FYB2: variants seen among roughly 807,000 people sequenced by gnomAD.
FYB2 encodes FYN binding protein 2.
In FYB2, 103 loss-of-function variants were observed where a neutral mutation model predicts 94.1. The ratio of observed to expected loss-of-function variants is 1.09; its 90% CI spans 0.93 to 1.29. The LOEUF (loss-of-function observed/expected upper bound fraction) is 1.29. Among genes scored for constraint, FYB2 ranks in the 50% most tolerant of loss-of-function variants. The probability of loss-of-function intolerance (pLI) is 0.00; values close to 1 mark genes in which losing one functional copy is unlikely to be tolerated. For missense variants in FYB2, 896 were observed against 841.5 expected (o/e 1.06, Z -0.80); for synonymous variants, 293 against 287.9 (o/e 1.02, Z -0.18).
intron 4 of FYB2, among the ~76,000 whole-genome samples, chr1:56,780,769 A>G (rs1645990095): frequency 6.6e-6 from 1 of 152,238 alleles, no homozygotes. Flanking sequence ...AGAAAAACTC[A>G]GTAAATTCAC....
intron 6 of FYB2, among the ~76,000 whole-genome samples, chr1:56,756,516 T>C (rs1645335458): frequency 6.6e-6 from 1 of 152,126 alleles, no homozygotes; most frequent in African/African-American, 2.4e-5. Flanking sequence ...TCTAAGCATC[T>C]AAAATGCCAT....
At chr1:56,744,127 G>A in intron 10 of FYB2, 25 bp downstream of exon 10, 1 of 1,610,792 alleles carries the variant, frequency 6.2e-7, no homozygotes, top group Non-Finnish European at 8.5e-7. Flanking sequence ...CATTCATCTT[G>A]CTGAAAGACT....
At chr1:56,784,548 G>C (rs1007703136) in intron 4 of FYB2, among the ~76,000 whole-genome samples, 2 of 152,026 alleles carry the variant, frequency 1.3e-5, no homozygotes, top group African/African-American at 4.8e-5. Flanking sequence ...CTTATCATTG[G>C]CAAGATAAAG....
intron 1 of FYB2, among the ~76,000 whole-genome samples, chr1:56,799,915 C>A (rs11206919): frequency 0.052 from 7,972 of 152,170 alleles, 402 homozygotes; most frequent in East Asian, 0.22. Context: ...TGAGTGAATG[C>A]GGTCATAAAA....
At chr1:56,774,926 C>A (rs1436699433) in intron 4 of FYB2, among the ~76,000 whole-genome samples, 3 of 152,092 alleles carry the variant, frequency 2.0e-5, no homozygotes, top group Non-Finnish European at 2.9e-5. Flanking sequence ...AGTTCTTCAG[C>A]TTTTGGACTC....
In FYB2 at chr1:56,725,115, G is replaced by A. The variant is rs186999887; in HGVS notation, c.1880+1382C>T. On this transcript the variant is annotated intron_variant, in intron 16 of 19. Transcript: ENST00000343433. ...GCCTGAGGCCTTCACCGAAGCAGAT[G>A]CCAATGTCATGCTTCTTGTACAGTC... Among the ~76,000 whole-genome samples, 346 of 152,096 alleles carry A rather than the reference G, an allele frequency of 2.3e-3. 2 individuals carry two copies. The highest frequency in any genetic ancestry group is 0.014 in the Middle Eastern group (4 of 294).
chr1:56,789,485 A>G (rs1646212416), intron 2 of FYB2, among the ~76,000 whole-genome samples: 1 of 152,188 alleles, frequency 6.6e-6, no homozygotes, highest in South Asian at 2.1e-4. Context: ...TGATTTAGAT[A>G]GCCTTAAAAA....
chr1:56,748,560 T>A (rs1645122327), intron 9 of FYB2, among the ~76,000 whole-genome samples: 2 of 152,142 alleles, frequency 1.3e-5, no homozygotes, highest in East Asian at 3.9e-4. Flanking sequence ...TGGTTGTACA[T>A]GTGTGATGTT....
chr1:56,766,821 C>T (rs959420396), intron 5 of FYB2, among the ~76,000 whole-genome samples: 1 of 152,160 alleles, frequency 6.6e-6, no homozygotes, highest in African/African-American at 2.4e-5. Context: ...TATGTATTCC[C>T]AGGAAAATGA....
intron 9 of FYB2, 145 bp downstream of exon 9, chr1:56,750,899 A>G (rs1645181362): frequency 1.1e-6 from 1 of 878,454 alleles, no homozygotes; most frequent in African/African-American, 1.7e-5. Flanking sequence ...TTTTTCCACT[A>G]CTGCACAGCT....
At chr1:56,771,252 G>C (rs1645747445) in intron 4 of FYB2, among the ~76,000 whole-genome samples, 1 of 152,048 alleles carries the variant, frequency 6.6e-6, no homozygotes, top group African/African-American at 2.4e-5. Context: ...TAAACAAATT[G>C]GGATGTGTTC....
At chr1:56,812,537 A>G (rs1223039973) in intron 1 of FYB2, among the ~76,000 whole-genome samples, 1 of 152,196 alleles carries the variant, frequency 6.6e-6, no homozygotes, top group Non-Finnish European at 1.5e-5. Context: ...TTTCTGAAGC[A>G]CTTTATTTGT....
chr1:56,757,687 C>CTTCCTTCTTTTTTTTTTCTTTCT (rs1293394860), intron 6 of FYB2, among the ~76,000 whole-genome samples: 22 of 71,938 alleles, frequency 3.1e-4, no homozygotes, highest in Non-Finnish European at 5.4e-4. Flanking sequence ...TCCTTCCTTC[C>CTTCCTTCTTTTTTTTTTCTTTCT]TTCTTTCTTT....
At chr1:56,791,986 A>G in intron 2 of FYB2, 70 bp downstream of exon 2, 2 of 1,508,874 alleles carry the variant, frequency 1.3e-6, no homozygotes, top group South Asian at 1.4e-5. Context: ...CTCTGAATCA[A>G]CAGGTTTTCA....
intron 8 of FYB2, among the ~76,000 whole-genome samples, chr1:56,752,129 A>G (rs1337352801): frequency 1.3e-5 from 2 of 151,996 alleles, no homozygotes; most frequent in Non-Finnish European, 2.9e-5. Context: ...TGAAGGAAAA[A>G]GATAAGGGAA....
chr1:56,780,268 G>A (rs1370465705), intron 4 of FYB2, among the ~76,000 whole-genome samples: 1 of 152,198 alleles, frequency 6.6e-6, no homozygotes, highest in African/African-American at 2.4e-5. Flanking sequence ...GCAAGGCTTA[G>A]TTCCAAAACC....
chr1:56,753,745 G>A (rs982833743), intron 8 of FYB2, 94 bp downstream of exon 8: 10 of 790,922 alleles, frequency 1.3e-5, no homozygotes, highest in African/African-American at 8.7e-5. Context: ...TTCTAACTCT[G>A]TCTCTCTGAA....
chr1:56,735,219 A>T (rs1412235690), intron 15 of FYB2, among the ~76,000 whole-genome samples: 1 of 152,166 alleles, frequency 6.6e-6, no homozygotes, highest in African/African-American at 2.4e-5. Flanking sequence ...GGTATCCAAC[A>T]TCAAATGAAT....
At chr1:56,719,826 AG>A in intron 19 of FYB2, 134 bp from the exon 20 acceptor site, 1 of 1,077,588 alleles carries the variant, frequency 9.3e-7, no homozygotes, top group Non-Finnish European at 1.3e-6. Context: ...AGCTGTGTAG[AG>A]AAGTTTGATA....
Sources: allele counts gnomAD v4.1 joint callset (sites outside exome capture counted in the v4.1 genomes callset), GRCh38; gene constraint gnomAD v4.1.1; transcripts MANE v1.5; gene names NCBI Gene and HGNC (gene_info 2026-07-23, HGNC 2026-07-21).